The following PIK3AP1 variants were observed in gnomAD, a reference collection of about 807,000 sequenced individuals.
The protein encoded by PIK3AP1 is phosphoinositide-3-kinase adaptor protein 1.
A neutral mutation model predicts 88.1 loss-of-function variants in PIK3AP1; 21 were observed. The ratio of observed to expected loss-of-function variants is 0.24; its 90% CI spans 0.17 to 0.34. PIK3AP1 has a LOEUF of 0.34. Among genes scored for constraint, PIK3AP1 ranks in the 10% least tolerant of loss-of-function variants. The probability of loss-of-function intolerance (pLI) is 1.00; values close to 1 mark genes in which losing one functional copy is unlikely to be tolerated. For synonymous variants in PIK3AP1, 398 were observed against 400.0 expected (o/e 1.00, Z 0.06); for missense variants, 828 against 1,035.7 (o/e 0.80, Z 2.75).
chr10:96,609,684 C>T (rs764138790), intron 14 of PIK3AP1, 28 bp downstream of exon 14: 1 of 1,607,466 alleles, frequency 6.2e-7, no homozygotes, highest in African/African-American at 1.3e-5. Flanking sequence ...GTCAAGAAGA[C>T]CCCACCCCCG....
intron 8 of PIK3AP1, among the ~76,000 whole-genome samples, chr10:96,641,123 G>GCA (rs1843382665): frequency 8.2e-6 from 1 of 122,666 alleles, no homozygotes; most frequent in African/African-American, 2.6e-5. Flanking sequence ...GTGTGTGTGT[G>GCA]TGCGTGTGCA....
chr10:96,680,687 A>G (rs563434244), intron 2 of PIK3AP1, among the ~76,000 whole-genome samples: 8 of 152,240 alleles, frequency 5.3e-5, no homozygotes, highest in African/African-American at 1.9e-4. Context: ...TATGTACCAC[A>G]TTTTCTTTAT....
intron 2 of PIK3AP1, among the ~76,000 whole-genome samples, chr10:96,708,574 C>CAAAAAAAAAAA (rs924470384): frequency 3.5e-3 from 44 of 12,734 alleles, no homozygotes; most frequent in Non-Finnish European, 6.0e-3. Context: ...GGATCTGTCT[C>CAAAAAAAAAAA]AAAAAAAAAA....
chr10:96,681,294 C>T (rs1231547946), intron 2 of PIK3AP1, among the ~76,000 whole-genome samples: 1 of 152,144 alleles, frequency 6.6e-6, no homozygotes, highest in East Asian at 1.9e-4. Flanking sequence ...AACTCTATCT[C>T]CAAATCCAGT....
intron 8 of PIK3AP1, among the ~76,000 whole-genome samples, chr10:96,642,498 AAG>A (rs1843405835): frequency 6.6e-6 from 1 of 152,052 alleles, no homozygotes; most frequent in Non-Finnish European, 1.5e-5. Flanking sequence ...GGTAGAAAGA[AAG>A]AAAAAAAGGA....
intron 8 of PIK3AP1, chr10:96,633,155 C>A (rs1170011620): frequency 7.5e-7 from 1 of 1,338,996 alleles, no homozygotes; most frequent in Non-Finnish European, 1.0e-6. Flanking sequence ...TCAGGAAAGC[C>A]CAAAGAATGC....
At chr10:96,696,731 G>A (rs61856803) in intron 2 of PIK3AP1, among the ~76,000 whole-genome samples, 6 of 152,048 alleles carry the variant, frequency 3.9e-5, no homozygotes, top group African/African-American at 7.2e-5. Flanking sequence ...CACAGATAAT[G>A]GTATAATGTG....
chr10:96,622,988 C>T (rs957993776), intron 11 of PIK3AP1, among the ~76,000 whole-genome samples: 3 of 152,142 alleles, frequency 2.0e-5, no homozygotes, highest in Non-Finnish European at 4.4e-5. Context: ...GAGTGCTGGG[C>T]CACCTACTTT....
chr10:96,599,424 T>A (rs749933475), intron 16 of PIK3AP1, among the ~76,000 whole-genome samples: 3 of 151,992 alleles, frequency 2.0e-5, no homozygotes, highest in Non-Finnish European at 2.9e-5. Flanking sequence ...AGACTTGGGG[T>A]CTTTGTCTGC....
At chr10:96,711,369 T>A (rs1427024455) in intron 1 of PIK3AP1, among the ~76,000 whole-genome samples, 1 of 152,236 alleles carries the variant, frequency 6.6e-6, no homozygotes, top group Non-Finnish European at 1.5e-5. Context: ...TTACCACTGT[T>A]TTGGGTCATC....
At chr10:96,613,512 A>G (rs1347100652) in intron 13 of PIK3AP1, among the ~76,000 whole-genome samples, 1 of 152,196 alleles carries the variant, frequency 6.6e-6, no homozygotes, top group African/African-American at 2.4e-5. Context: ...CCCCTGATAT[A>G]AGAAGTACAA....
At chr10:96,652,572 C>CAAA in intron 4 of PIK3AP1, 126 bp downstream of exon 4, 4 of 969,706 alleles carry the variant, frequency 4.1e-6, no homozygotes, top group East Asian at 3.1e-5. Flanking sequence ...GACTCTGTCT[C>CAAA]AAAAAAAAAA....
chr10:96,698,723 ACT>A (rs2134281015), intron 2 of PIK3AP1, among the ~76,000 whole-genome samples: 1 of 152,010 alleles, frequency 6.6e-6, no homozygotes, highest in South Asian at 2.1e-4. Flanking sequence ...ACAGAGAAAG[ACT>A]CTGTCTCAAA....
chr10:96,682,734 G>C (rs747983539), intron 2 of PIK3AP1, among the ~76,000 whole-genome samples: 20 of 151,958 alleles, frequency 1.3e-4, no homozygotes, highest in Non-Finnish European at 2.6e-4. Context: ...ACCTTAACAG[G>C]GTTTTCCATA....
intron 2 of PIK3AP1, among the ~76,000 whole-genome samples, chr10:96,667,686 G>A (rs1992055): frequency 0.6 from 90,274 of 151,686 alleles, 28,448 homozygotes; most frequent in African/African-American, 0.82. Flanking sequence ...GATGATAAAG[G>A]ATTTTTTAAG....
chr10:96,663,343 T>G (rs1279033416), intron 2 of PIK3AP1, among the ~76,000 whole-genome samples: 1 of 151,914 alleles, frequency 6.6e-6, no homozygotes, highest in Admixed American at 6.6e-5. Context: ...AAGAAACCAA[T>G]GGCAGGCTGG....
At chr10:96,651,840 T>TG (rs1303173354) in intron 4 of PIK3AP1, among the ~76,000 whole-genome samples, 189 bp from the exon 5 acceptor site, 1 of 152,076 alleles carries the variant, frequency 6.6e-6, no homozygotes, top group Non-Finnish European at 1.5e-5. Context: ...AACCAGCACA[T>TG]GGCAGGGCTC....
chr10:96,616,545 G>A, intron 13 of PIK3AP1, 94 bp downstream of exon 13: 1 of 1,294,414 alleles, frequency 7.7e-7, no homozygotes, highest in Non-Finnish European at 1.1e-6. Flanking sequence ...CTGGGCAAGT[G>A]GTCTGCCCAC....
At chr10:96,657,809 A>C (rs1207547929) in intron 2 of PIK3AP1, among the ~76,000 whole-genome samples, 2 of 152,166 alleles carry the variant, frequency 1.3e-5, no homozygotes, top group Non-Finnish European at 2.9e-5. Flanking sequence ...GTGGCCTATA[A>C]TCCCAGCACT....
Sources: allele counts gnomAD v4.1 joint callset (sites outside exome capture counted in the v4.1 genomes callset), GRCh38; gene constraint gnomAD v4.1.1; transcripts MANE v1.5; gene names NCBI Gene and HGNC (gene_info 2026-07-23, HGNC 2026-07-21).